MGST1: variants seen among roughly 807,000 people sequenced by gnomAD.
MGST1 encodes microsomal glutathione S-transferase 1.
MGST1 carries 5 observed loss-of-function variants against 8.9 expected under a neutral mutation model. That is an observed-to-expected ratio of 0.56 (90% CI 0.29 to 1.19). The LOEUF (loss-of-function observed/expected upper bound fraction) is 1.19, where lower values mean the gene tolerates loss of function less well. Ranked by LOEUF, MGST1 falls within the 50% of genes most tolerant of loss-of-function variation. MGST1 has a pLI of 0.08. For synonymous variants in MGST1, 54 were observed against 67.8 expected, an observed-to-expected ratio of 0.80 and a Z score of 1.00; for missense variants, 182 against 187.4, an observed-to-expected ratio of 0.97 and a Z score of 0.17.
intron 1 of MGST1, chr12:16,399,789 G>A (rs1352516451): frequency 4.2e-6 from 5 of 1,185,300 alleles, no homozygotes; most frequent in East Asian, 2.3e-5. Context: ...TTCCTTGATG[G>A]GTCAAGAGAG....
At chr12:16,382,521 G>C (rs150754684), upstream of MGST1, among the ~76,000 whole-genome samples, 1 of 152,102 alleles carries the variant, frequency 6.6e-6, no homozygotes, top group Non-Finnish European at 1.5e-5. Flanking sequence ...AGGAGTACCC[G>C]GCCGTGTGAG....
At chr12:16,509,317 A>G (rs1441468550) in intron 4 of MGST1, among the ~76,000 whole-genome samples, 1 of 152,114 alleles carries the variant, frequency 6.6e-6, no homozygotes, top group African/African-American at 2.4e-5. Flanking sequence ...ATGGATTACC[A>G]TATTTCTTCT....
At chr12:16,372,434 A>G (rs144557123) in intron 3 of MGST1, among the ~76,000 whole-genome samples, 1 of 152,192 alleles carries the variant, frequency 6.6e-6, no homozygotes, top group African/African-American at 2.4e-5. Flanking sequence ...AAAACACACA[A>G]CAGCACTAAT....
intron 1 of MGST1, among the ~76,000 whole-genome samples, chr12:16,395,790 T>TACACACACAC (rs1223679635): frequency 0.05 from 6,109 of 123,148 alleles, 290 homozygotes; most frequent in East Asian, 0.12. Context: ...CATATATATA[T>TACACACACAC]ATATATATAT....
intron 4 of MGST1, among the ~76,000 whole-genome samples, chr12:16,509,770 C>T (rs1483616808): frequency 2.0e-5 from 3 of 152,118 alleles, no homozygotes; most frequent in African/African-American, 4.8e-5. Flanking sequence ...TTTAGGGGAA[C>T]AAGGATGAAA....
intron 4 of MGST1, among the ~76,000 whole-genome samples, chr12:16,563,043 C>T (rs374437983): frequency 2.6e-5 from 4 of 152,306 alleles, no homozygotes; most frequent in East Asian, 1.9e-4. Flanking sequence ...AAATTTTCTT[C>T]TTCCACGCAC....
intron 4 of MGST1, among the ~76,000 whole-genome samples, chr12:16,468,440 A>G (rs1941269273): frequency 6.6e-6 from 1 of 152,210 alleles, no homozygotes; most frequent in Non-Finnish European, 1.5e-5. Context: ...GCAAAAGAAC[A>G]GCTGCTGTCT....
At position 16,458,665 on chromosome 12, in the gene MGST1, G is replaced by C. The variant is rs1456092658; in HGVS notation, n.482+75061G>C. ...TATTATAAACATGGAATATCAGTAG[G>C]TAGGCAGTTGAGTATTTATATGAGA... On this transcript the variant is annotated intron_variant and non_coding_transcript_variant, in intron 4 of 4. Transcript: ENST00000538857. The surrounding 1 kb of genome is among the most constrained non-coding windows in gnomAD (Gnocchi z 4.0). Among the ~76,000 whole-genome samples the C allele has an allele frequency of 1.3e-5, 2 of 152,038 alleles. No individual in the cohort carries two copies. The highest frequency in any genetic ancestry group is 4.8e-5 in the African/African-American group (2 of 41,428).
chr12:16,592,208 G>A (rs1943516520), downstream of MGST1, among the ~76,000 whole-genome samples: 1 of 151,946 alleles, frequency 6.6e-6, no homozygotes, highest in African/African-American at 2.4e-5. Context: ...GTGACTAAAT[G>A]GTTTCATTGT....
chr12:16,419,937 AGACATATTGGCAGCCGATGAAGGCT>A (rs1940819772), intron 1 of MGST1, among the ~76,000 whole-genome samples: 1 of 152,138 alleles, frequency 6.6e-6, no homozygotes. Flanking sequence ...TCTGTGATGG[AGACATATTGGCAGCCGATGAAGGCT>A]GACTAGAGGG....
At chr12:16,446,773 T>A (rs1370727720) in intron 4 of MGST1, among the ~76,000 whole-genome samples, 2 of 151,908 alleles carry the variant, frequency 1.3e-5, no homozygotes, top group African/African-American at 4.8e-5. Flanking sequence ...GAGCCACCAC[T>A]GAACTTCTTG....
chr12:16,530,092 A>G (rs186965719), intron 4 of MGST1, among the ~76,000 whole-genome samples: 18 of 152,186 alleles, frequency 1.2e-4, no homozygotes, highest in Admixed American at 1.0e-3. Flanking sequence ...GATCTGATCT[A>G]TGTTTCACTT....
chr12:16,450,114 C>A (rs1941117104), intron 4 of MGST1, among the ~76,000 whole-genome samples: 1 of 151,902 alleles, frequency 6.6e-6, no homozygotes, highest in Non-Finnish European at 1.5e-5. Flanking sequence ...ATAAATCTTC[C>A]AAAAGAGGTT....
rs746981523 is a variant in MGST1, at chr12:16,357,696, G to A, written c.218G>A (p.Arg73His). 67 of 1,610,858 alleles carry A rather than the reference G, an allele frequency of 4.2e-5. 1 individual carries two copies. The South Asian group carries it at 4.8e-4, about 11-fold the overall frequency. The stretch of plus-strand genomic sequence containing the variant: ...ACAGATGACAGAGTAGAACGTGTAC[G>A]CAGGTAAACCAGTGTCTCTTGAAAT... ...LRTDDRVERVRRAHLNDLENI... is the reference protein window; with the variant it reads ...LRTDDRVERVHRAHLNDLENI... Residue 73 changes from arginine (R) to histidine (H), a missense_variant, in exon 3 of 4, where the codon CGC becomes CAC. By Grantham distance (29) the Arg-to-His change is conservative (BLOSUM62 0). Transcript: ENST00000396210.
chr12:16,354,600 C>T (rs999811020), intron 2 of MGST1: 6 of 350,318 alleles, frequency 1.7e-5, no homozygotes, highest in Non-Finnish European at 3.0e-5. Context: ...TGGCTTTTAC[C>T]TTTTTATCAT....
At chr12:16,475,611 G>C (rs1941317625) in intron 4 of MGST1, among the ~76,000 whole-genome samples, 1 of 152,134 alleles carries the variant, frequency 6.6e-6, no homozygotes, top group African/African-American at 2.4e-5. Context: ...ATACCCTTAA[G>C]AGAGGAGTGG....
At chr12:16,529,573 C>G (rs1310320521) in intron 4 of MGST1, among the ~76,000 whole-genome samples, 1 of 152,142 alleles carries the variant, frequency 6.6e-6, no homozygotes, top group East Asian at 1.9e-4. Flanking sequence ...GCAGGGGTCA[C>G]ATCTTCCTTA....
intron 2 of MGST1, among the ~76,000 whole-genome samples, chr12:16,355,168 A>G (rs138806403): frequency 5.3e-4 from 79 of 147,992 alleles, no homozygotes; most frequent in African/African-American, 1.9e-3. Context: ...GATTTTATCT[A>G]TAGGTCACAG....
At position 16,585,839 on chromosome 12, in the gene MGST1, G is replaced by A. The variant is rs1348179927; in HGVS notation, n.483-3689G>A. Among the ~76,000 whole-genome samples the A allele has an allele frequency of 6.6e-6, 1 of 152,154 alleles. No homozygotes were observed. The highest frequency in any genetic ancestry group is 1.5e-5 in the Non-Finnish European group (1 of 68,030). On this transcript the variant is annotated intron_variant and non_coding_transcript_variant, in intron 4 of 4. Transcript: ENST00000538857. The surrounding 1 kb of genome is among the most constrained non-coding windows in gnomAD (Gnocchi z 4.7). Reference sequence around the variant, plus strand: ...TGGGCTTCCCAGGAAACAAAGAAAAGAGGGAAAATGTCAACATGTATATGA... The same window carrying A: ...TGGGCTTCCCAGGAAACAAAGAAAAAAGGGAAAATGTCAACATGTATATGA...
Sources: gnomAD v4.1 joint callset for allele counts (sites outside exome capture counted in the v4.1 genomes callset) on GRCh38, gnomAD v4.1.1 for gene constraint, Gnocchi (gnomAD v3.1) non-coding constraint, MANE v1.5 for transcripts, NCBI Gene and HGNC (gene_info 2026-07-23, HGNC 2026-07-21) for gene names.